Variants in HTN1 observed in about 807,000 individuals in gnomAD.
The protein encoded by HTN1 is histatin-1.
Under a neutral mutation model 11.2 loss-of-function variants are expected in HTN1, and 18 were observed. The observed-to-expected ratio is 1.61, with a 90% CI of 1.12 to 2.39. HTN1 has a LOEUF of 2.39. Among genes scored for constraint, HTN1 ranks in the 30% most tolerant of loss-of-function variants. The pLI is 0.00. For missense variants in HTN1, 80 were observed against 67.2 expected (o/e 1.19, Z -0.67); for synonymous variants, 21 against 20.5 (o/e 1.02, Z -0.07).
intron 1 of HTN1, among the ~76,000 whole-genome samples, chr4:70,051,100 T>A (rs1378020458): frequency 1.3e-5 from 2 of 152,006 alleles, no homozygotes; most frequent in African/African-American, 4.8e-5. Context: ...ATACCTAATA[T>A]CTACTTTCTT....
intron 5 of HTN1, chr4:70,057,694 A>C (rs1220309570): frequency 6.6e-6 from 1 of 152,008 alleles, no homozygotes; most frequent in East Asian, 1.9e-4. Flanking sequence ...CTTTTTATAG[A>C]GTTGGAAAGA....
At chr4:70,053,216 G>A (rs1725945356) in intron 2 of HTN1, 89 bp downstream of exon 2, 1 of 824,278 alleles carries the variant, frequency 1.2e-6, no homozygotes, top group South Asian at 1.5e-5. Flanking sequence ...ATATACTCAT[G>A]TTGACCTCAA....
chr4:70,051,557 A>T (rs1725894211), intron 1 of HTN1, among the ~76,000 whole-genome samples: 1 of 152,168 alleles, frequency 6.6e-6, no homozygotes. Context: ...AACAGAATTG[A>T]CAATCATTAA....
At chr4:70,054,653 C>A (rs554529937) in intron 4 of HTN1, among the ~76,000 whole-genome samples, 86 of 152,108 alleles carry the variant, frequency 5.7e-4, no homozygotes, top group African/African-American at 1.9e-3. Flanking sequence ...AAACTCAATT[C>A]CACCTGAAAT....
chr4:70,057,894 C>T (rs1245280841), intron 5 of HTN1: 1 of 152,068 alleles, frequency 6.6e-6, no homozygotes, highest in African/African-American at 2.4e-5. Flanking sequence ...CTAAGCAACT[C>T]TAATGAGCAA....
At chr4:70,053,277 A>G (rs1284523988) in intron 2 of HTN1, 150 bp downstream of exon 2, 2 of 542,272 alleles carry the variant, frequency 3.7e-6, no homozygotes, top group Non-Finnish European at 6.6e-6. Context: ...CTTTGAATTA[A>G]CTTATGTAAG....
chr4:70,055,388 A>G (rs1726010287), intron 4 of HTN1, 110 bp from the exon 5 acceptor site: 4 of 753,564 alleles, frequency 5.3e-6, no homozygotes, highest in Non-Finnish European at 9.1e-6. Context: ...ATAAAATACA[A>G]GGTCTTAACA....
intron 2 of HTN1, 25 bp from the exon 3 acceptor site, chr4:70,054,297 T>C (rs1354675348): frequency 7.5e-7 from 1 of 1,340,720 alleles, no homozygotes; most frequent in South Asian, 1.4e-5. Context: ...ATATTAATTA[T>C]TTTCTCATTT....
intron 5 of HTN1, chr4:70,056,667 A>G (rs1214785259): frequency 2.6e-5 from 4 of 151,982 alleles, no homozygotes; most frequent in African/African-American, 9.7e-5. Context: ...CAGAATCTAC[A>G]AGGAACTTAA....
At chr4:70,055,824 C>T (rs1726025320) in intron 5 of HTN1, 2 of 341,422 alleles carry the variant, frequency 5.9e-6, no homozygotes, top group South Asian at 4.2e-5. Flanking sequence ...GGTACTGGTA[C>T]CATGCTGTTT....
intron 2 of HTN1, among the ~76,000 whole-genome samples, chr4:70,053,400 A>G (rs766285299): frequency 6.6e-6 from 1 of 152,144 alleles, no homozygotes; most frequent in Non-Finnish European, 1.5e-5. Flanking sequence ...ATGTGGGACT[A>G]AGATCTGTGA....
intron 2 of HTN1, among the ~76,000 whole-genome samples, chr4:70,053,483 A>C (rs1376399877): frequency 6.6e-6 from 1 of 152,202 alleles, no homozygotes; most frequent in Non-Finnish European, 1.5e-5. Flanking sequence ...GGTGCACTTC[A>C]ATGGAACCCA....
intron 5 of HTN1, chr4:70,057,969 G>C (rs540556514): frequency 6.6e-6 from 1 of 152,050 alleles, no homozygotes; most frequent in African/African-American, 2.4e-5. Flanking sequence ...AATAGAAAAT[G>C]GTAACAATTT....
At position 70,053,516 on chromosome 4, in the gene HTN1, G is replaced by T. The variant is rs114505141; in HGVS notation, c.51+389G>T. Among the ~76,000 whole-genome samples, 305 of 152,204 alleles carry T rather than the reference G, an allele frequency of 2.0e-3. 3 individuals carry two copies. Among genetic ancestry groups the T allele is most frequent in the African/African-American group, 7.1e-3 (294 of 41,530 alleles). ...CCAAGTATTAGAGGGTGTCAAAATA[G>T]GAATTTTCAAGTCATTTCTTGCACA... is the stretch of plus-strand genomic sequence containing the variant. On this transcript the variant is annotated intron_variant, in intron 2 of 5. Transcript: ENST00000246896.
chr4:70,052,459 C>T lies in HTN1; in HGVS notation c.-13-605C>T, dbSNP rs115763000. On this transcript the variant is annotated intron_variant, in intron 1 of 5. Coordinates refer to ENST00000246896, the MANE Select transcript of HTN1 (RefSeq NM_002159.4). ...TCCTCCCTATGTGTTGAACTGTTTG[C>T]ATTTTTAACATGCTTTCCTCTCTGT... Among the ~76,000 whole-genome samples, 311 of 152,212 alleles carry T rather than the reference C, an allele frequency of 2.0e-3. 3 individuals are homozygous for T. The highest frequency in any genetic ancestry group is 6.9e-3 in the African/African-American group (288 of 41,558).
At chr4:70,050,648 G>A (rs1725869436) in intron 1 of HTN1, among the ~76,000 whole-genome samples, 153 bp downstream of exon 1, 2 of 152,032 alleles carry the variant, frequency 1.3e-5, no homozygotes, top group South Asian at 4.2e-4. Context: ...TTACATTTTT[G>A]TATATTACCT....
At chr4:70,050,585 T>TTATC (rs1181611710) in intron 1 of HTN1, 90 bp downstream of exon 1, 1 of 152,160 alleles carries the variant, frequency 6.6e-6, no homozygotes, top group African/African-American at 2.4e-5. Context: ...AAAATGTATA[T>TTATC]TATCTATTTA....
chr4:70,054,569 A>T, intron 4 of HTN1, 119 bp downstream of exon 4: 1 of 671,228 alleles, frequency 1.5e-6, no homozygotes, highest in African/African-American at 1.9e-5. Flanking sequence ...GCTAAAGTGC[A>T]CATTGATTTC....
At chr4:70,053,429 A>G (rs974524100) in intron 2 of HTN1, among the ~76,000 whole-genome samples, 3 of 152,174 alleles carry the variant, frequency 2.0e-5, no homozygotes, top group Non-Finnish European at 4.4e-5. Context: ...TTAAATGTGA[A>G]AAGCTCTAGA....
Sources: gnomAD v4.1 joint callset for allele counts (sites outside exome capture counted in the v4.1 genomes callset) on GRCh38, gnomAD v4.1.1 for gene constraint, MANE v1.5 for transcripts, NCBI Gene and HGNC (gene_info 2026-07-23, HGNC 2026-07-21) for gene names.